The following PSMD14 variants were observed in gnomAD, a reference collection of about 807,000 sequenced individuals.
PSMD14 encodes proteasome 26S subunit, non-ATPase 14.
Under a neutral mutation model 41.2 loss-of-function variants are expected in PSMD14, and 7 were observed. The observed-to-expected ratio is 0.17, with a 90% CI of 0.10 to 0.32. The LOEUF is 0.32. Among genes scored for constraint, PSMD14 ranks in the 10% least tolerant of loss-of-function variants. PSMD14 has a pLI of 1.00. For missense variants in PSMD14, 139 were observed against 375.6 expected, an observed-to-expected ratio of 0.37 and a Z score of 5.21; for synonymous variants, 114 against 122.3, an observed-to-expected ratio of 0.93 and a Z score of 0.45.
chr2:161,341,954 A>G (rs1682969768), intron 3 of PSMD14, among the ~76,000 whole-genome samples: 1 of 151,804 alleles, frequency 6.6e-6, no homozygotes, highest in Non-Finnish European at 1.5e-5. Context: ...TGTCACAAAC[A>G]TATTCTCTTT....
intron 3 of PSMD14, among the ~76,000 whole-genome samples, chr2:161,344,296 A>C (rs1683010657): frequency 6.6e-6 from 1 of 152,164 alleles, no homozygotes; most frequent in African/African-American, 2.4e-5. Flanking sequence ...ATAGTTCTGG[A>C]GGCTGGAAGT....
At chr2:161,318,973 C>A in intron 3 of PSMD14, 100 bp downstream of exon 3, 3 of 862,138 alleles carry the variant, frequency 3.5e-6, no homozygotes, top group Non-Finnish European at 5.5e-6. Context: ...AATCACCTAA[C>A]AGATAACTCT....
At chr2:161,332,834 A>G (rs952919561) in intron 3 of PSMD14, among the ~76,000 whole-genome samples, 1 of 152,220 alleles carries the variant, frequency 6.6e-6, no homozygotes, top group Non-Finnish European at 1.5e-5. Flanking sequence ...CTTCTTTCAT[A>G]GCCTTTCCAG....
At chr2:161,406,352 A>G (rs750556887) in intron 10 of PSMD14, among the ~76,000 whole-genome samples, 10 of 152,196 alleles carry the variant, frequency 6.6e-5, no homozygotes, top group Non-Finnish European at 1.5e-4. Flanking sequence ...AATAGCCACA[A>G]ACATTTTCAG....
rs557306554 is a variant in PSMD14 at position 161,373,002 on chromosome 2, A to G, written c.462+1680A>G. Among the ~76,000 whole-genome samples, 295 of 152,012 alleles carry G rather than the reference A, an allele frequency of 1.9e-3. 1 individual carries two copies. The highest frequency in any genetic ancestry group is 7.0e-3 in the Middle Eastern group (2 of 286). ...AAACACAATGAAAGAATGCATTCTC[A>G]AAATAGAGTAAATAAATGTAAATGT... On this transcript the variant is annotated intron_variant, in intron 7 of 11. Coordinates refer to ENST00000409682, the MANE Select transcript of PSMD14 (RefSeq NM_005805.6).
intron 3 of PSMD14, chr2:161,340,824 G>C (rs1682942821): frequency 1.2e-6 from 2 of 1,613,864 alleles, no homozygotes; most frequent in Non-Finnish European, 1.7e-6. Flanking sequence ...TTATTCTTCA[G>C]TTCTCTGCTC....
intron 10 of PSMD14, among the ~76,000 whole-genome samples, chr2:161,399,722 T>G (rs1312747484): frequency 6.6e-6 from 1 of 152,180 alleles, no homozygotes; most frequent in Non-Finnish European, 1.5e-5. Context: ...AAAATATTTT[T>G]TCCTTTTAAA....
At chr2:161,343,842 A>G (rs1683002011) in intron 3 of PSMD14, among the ~76,000 whole-genome samples, 2 of 134,188 alleles carry the variant, frequency 1.5e-5, no homozygotes, top group African/African-American at 2.8e-5. Context: ...AAAAAAAAAA[A>G]TGTCTTTGAG....
At chr2:161,354,654 G>A (rs1339968016) in intron 3 of PSMD14, among the ~76,000 whole-genome samples, 1 of 152,158 alleles carries the variant, frequency 6.6e-6, no homozygotes, top group Non-Finnish European at 1.5e-5. Flanking sequence ...TTTAGTTTTT[G>A]TGGGTTGATA....
chr2:161,364,965 G>T (rs1370002090), intron 3 of PSMD14, among the ~76,000 whole-genome samples: 1 of 152,072 alleles, frequency 6.6e-6, no homozygotes, highest in Non-Finnish European at 1.5e-5. Context: ...TCAGCCTGGC[G>T]TGGTGACATG....
chr2:161,357,113 C>T (rs1255884638), intron 3 of PSMD14, among the ~76,000 whole-genome samples: 1 of 108,774 alleles, frequency 9.2e-6, no homozygotes, highest in Non-Finnish European at 1.8e-5. Context: ...AAGGGCTACC[C>T]ATGTAAAAGT....
At chr2:161,373,168 G>A (rs959283634) in intron 7 of PSMD14, among the ~76,000 whole-genome samples, 1 of 151,632 alleles carries the variant, frequency 6.6e-6, no homozygotes, top group African/African-American at 2.4e-5. Flanking sequence ...ATATTAAAAT[G>A]ATGAATTTCA....
chr2:161,362,834 T>C (rs1008824310), intron 3 of PSMD14, among the ~76,000 whole-genome samples: 2 of 152,236 alleles, frequency 1.3e-5, no homozygotes, highest in Admixed American at 6.5e-5. Flanking sequence ...AGTTTTTTAT[T>C]CATTGATTAT....
intron 10 of PSMD14, among the ~76,000 whole-genome samples, chr2:161,400,964 A>C (rs180842967): frequency 5.4e-4 from 83 of 152,310 alleles, no homozygotes; most frequent in Admixed American, 3.7e-3. Flanking sequence ...ATAAAATAAA[A>C]ATTTGTCAAA....
At chr2:161,390,400 T>C (rs1376691869) in intron 8 of PSMD14, among the ~76,000 whole-genome samples, 1 of 152,150 alleles carries the variant, frequency 6.6e-6, no homozygotes, top group Non-Finnish European at 1.5e-5. Context: ...GAACACTTGA[T>C]GTTGTCAGAG....
intron 9 of PSMD14, among the ~76,000 whole-genome samples, chr2:161,393,475 T>C (rs1369975292): frequency 6.6e-6 from 1 of 152,148 alleles, no homozygotes; most frequent in African/African-American, 2.4e-5. Context: ...ATGGAGGAGT[T>C]TTGTATCTTC....
chr2:161,404,567 G>A (rs1044765502), intron 10 of PSMD14, among the ~76,000 whole-genome samples: 3 of 151,900 alleles, frequency 2.0e-5, no homozygotes, highest in East Asian at 1.9e-4. Flanking sequence ...AACCTCCTAC[G>A]TCATTGATCA....
At chr2:161,333,260 A>C (rs1164386606) in intron 3 of PSMD14, among the ~76,000 whole-genome samples, 1 of 152,210 alleles carries the variant, frequency 6.6e-6, no homozygotes, top group Non-Finnish European at 1.5e-5. Context: ...GACTTCCTCA[A>C]ATGCCTGTGC....
intron 8 of PSMD14, among the ~76,000 whole-genome samples, chr2:161,390,457 A>C (rs1026174683): frequency 1.3e-5 from 2 of 152,052 alleles, no homozygotes; most frequent in Non-Finnish European, 2.9e-5. Flanking sequence ...ATCCAGGATT[A>C]TTGTTTCTTA....
Sources: gnomAD v4.1 joint callset for allele counts (sites outside exome capture counted in the v4.1 genomes callset) on GRCh38, gnomAD v4.1.1 for gene constraint, MANE v1.5 for transcripts, NCBI Gene and HGNC (gene_info 2026-07-23, HGNC 2026-07-21) for gene names.